DIAPH3: variants seen among roughly 807,000 people sequenced by gnomAD.
The protein encoded by DIAPH3 is diaphanous related formin 3.
A neutral mutation model predicts 144.3 loss-of-function variants in DIAPH3; 117 were observed. The ratio of observed to expected loss-of-function variants is 0.81; its 90% CI spans 0.70 to 0.95. The LOEUF (loss-of-function observed/expected upper bound fraction) is 0.95, where lower values mean the gene tolerates loss of function less well. DIAPH3 is among the 40% of genes least tolerant of loss of function. The probability of loss-of-function intolerance (pLI) is 0.00; values close to 1 mark genes in which losing one functional copy is unlikely to be tolerated. For synonymous variants in DIAPH3, 519 were observed against 488.9 expected (o/e 1.06, Z -0.81); for missense variants, 1,421 against 1,412.7 (o/e 1.01, Z -0.09).
At chr13:59,743,103 TCA>T (rs558910679) in intron 27 of DIAPH3, among the ~76,000 whole-genome samples, 90 of 152,234 alleles carry the variant, frequency 5.9e-4, no homozygotes, top group African/African-American at 2.1e-3. Context: ...TGTGGGGAAT[TCA>T]CATTCTAAAC....
intron 4 of DIAPH3, among the ~76,000 whole-genome samples, chr13:60,075,515 A>G (rs995617621): frequency 8.5e-5 from 13 of 152,148 alleles, no homozygotes; most frequent in Admixed American, 4.6e-4. Flanking sequence ...AATTTTGGTA[A>G]TATCATCTCA....
intron 27 of DIAPH3, among the ~76,000 whole-genome samples, chr13:59,736,863 C>G (rs1041738576): frequency 3.9e-5 from 6 of 152,148 alleles, no homozygotes; most frequent in African/African-American, 1.4e-4. Flanking sequence ...CTACAACTAT[C>G]TGATCTTTGA....
At chr13:59,690,615 A>C (rs141512996) in intron 27 of DIAPH3, among the ~76,000 whole-genome samples, 3 of 152,292 alleles carry the variant, frequency 2.0e-5, no homozygotes, top group Non-Finnish European at 4.4e-5. Context: ...TGGGAACCTA[A>C]CCACCATTTA....
chr13:60,091,711 A>T (rs1415412562), intron 4 of DIAPH3, among the ~76,000 whole-genome samples: 1 of 152,210 alleles, frequency 6.6e-6, no homozygotes, highest in East Asian at 1.9e-4. Flanking sequence ...AATGATTACA[A>T]TAACAAGAAC....
At chr13:59,706,701 C>T (rs1485544328) in intron 27 of DIAPH3, among the ~76,000 whole-genome samples, 2 of 152,132 alleles carry the variant, frequency 1.3e-5, no homozygotes, top group African/African-American at 2.4e-5. Flanking sequence ...TATCTAGATC[C>T]TGAACAAAAT....
chr13:60,080,785 A>G (rs1441004887), intron 4 of DIAPH3, among the ~76,000 whole-genome samples: 1 of 152,002 alleles, frequency 6.6e-6, no homozygotes, highest in African/African-American at 2.4e-5. Context: ...TGTCAACTCT[A>G]TATACTTAAG....
intron 3 of DIAPH3, among the ~76,000 whole-genome samples, chr13:60,102,750 T>C (rs1169860649): frequency 1.3e-5 from 2 of 152,188 alleles, no homozygotes; most frequent in African/African-American, 2.4e-5. Flanking sequence ...CTCAGTGACC[T>C]AGAACAGAGT....
At chr13:59,870,813 A>G (rs897261255) in intron 21 of DIAPH3, among the ~76,000 whole-genome samples, 13 of 151,982 alleles carry the variant, frequency 8.6e-5, no homozygotes, top group Admixed American at 5.9e-4. Flanking sequence ...TGGGATTACA[A>G]GCATGTGCCA....
intron 1 of DIAPH3, among the ~76,000 whole-genome samples, chr13:60,139,264 C>G (rs1325092996): frequency 1.3e-5 from 2 of 152,084 alleles, no homozygotes; most frequent in Non-Finnish European, 2.9e-5. Context: ...CTCTTTGATA[C>G]TACAAAGAAA....
At chr13:59,756,409 A>AAAGGAAGGAAGG (rs762777029) in intron 27 of DIAPH3, among the ~76,000 whole-genome samples, 107 of 137,614 alleles carry the variant, frequency 7.8e-4, no homozygotes, top group Non-Finnish European at 1.2e-3. Flanking sequence ...AATTTAGTAA[A>AAAGGAAGGAAGG]AAGGAAGGAA....
intron 14 of DIAPH3, among the ~76,000 whole-genome samples, chr13:59,978,980 T>C (rs2050831894): frequency 6.6e-6 from 1 of 151,712 alleles, no homozygotes; most frequent in South Asian, 2.1e-4. Flanking sequence ...AGAATGTGTC[T>C]AGCAACCATG....
In DIAPH3 at chr13:59,826,158, A is replaced by G. The variant is rs1042845443; in HGVS notation, c.3027+6949T>C. Reference sequence around the variant, plus strand: ...CCCTCTCTCACCGCTCCTATTCAACATAGTGTTGGAAGTTCTGGCCAGGGC... The same window carrying G: ...CCCTCTCTCACCGCTCCTATTCAACGTAGTGTTGGAAGTTCTGGCCAGGGC... On this transcript the variant is annotated intron_variant, in intron 24 of 27. Coordinates refer to ENST00000400324, the MANE Select transcript of DIAPH3 (RefSeq NM_001042517.2). Among the ~76,000 whole-genome samples the G allele has an allele frequency of 2.0e-5, 3 of 151,894 alleles. No individual in the cohort carries two copies. The South Asian group carries it at 6.3e-4, about 32-fold the overall frequency.
At chr13:59,908,490 C>A (rs1213868302) in intron 20 of DIAPH3, among the ~76,000 whole-genome samples, 2 of 151,538 alleles carry the variant, frequency 1.3e-5, no homozygotes, top group Middle Eastern at 3.4e-3. Flanking sequence ...ACTTTTACAC[C>A]CTGCCTTTCT....
intron 20 of DIAPH3, among the ~76,000 whole-genome samples, chr13:59,896,336 A>G (rs1049452024): frequency 6.6e-6 from 1 of 152,166 alleles, no homozygotes; most frequent in Non-Finnish European, 1.5e-5. Flanking sequence ...ATTTGATGCG[A>G]TATTATGCCA....
intron 27 of DIAPH3, among the ~76,000 whole-genome samples, chr13:59,771,122 A>G: frequency 6.6e-6 from 1 of 152,104 alleles, no homozygotes; most frequent in Non-Finnish European, 1.5e-5. Context: ...CCAGGAGGAT[A>G]CTTTACCAGA....
chr13:60,127,752 G>A (rs535805499), intron 2 of DIAPH3, among the ~76,000 whole-genome samples: 1 of 152,070 alleles, frequency 6.6e-6, no homozygotes, highest in Admixed American at 6.6e-5. Flanking sequence ...ACTGTAAGCG[G>A]GTACAGAGGG....
At chr13:59,988,077 C>T (rs1173808453) in intron 12 of DIAPH3, among the ~76,000 whole-genome samples, 1 of 151,800 alleles carries the variant, frequency 6.6e-6, no homozygotes, top group Non-Finnish European at 1.5e-5. Flanking sequence ...TACCTTACAC[C>T]TAATAAACCA....
intron 9 of DIAPH3, among the ~76,000 whole-genome samples, chr13:59,998,688 C>T (rs956685794): frequency 6.6e-6 from 1 of 151,978 alleles, no homozygotes; most frequent in African/African-American, 2.4e-5. Flanking sequence ...ATTATCTGTT[C>T]CTTTAATGTC....
chr13:60,121,633 A>G (rs1244800641), intron 2 of DIAPH3, among the ~76,000 whole-genome samples: 2 of 152,218 alleles, frequency 1.3e-5, no homozygotes, highest in Non-Finnish European at 2.9e-5. Flanking sequence ...GCAAGGAGGA[A>G]AGAGAACATT....
Sources: gnomAD v4.1 joint callset for allele counts (sites outside exome capture counted in the v4.1 genomes callset) on GRCh38, gnomAD v4.1.1 for gene constraint, MANE v1.5 for transcripts, NCBI Gene and HGNC (gene_info 2026-07-23, HGNC 2026-07-21) for gene names.